UNC13B: variants seen among roughly 807,000 people sequenced by gnomAD.
UNC13B encodes the protein protein unc-13 homolog B.
Under a neutral mutation model 211.0 loss-of-function variants are expected in UNC13B, and 144 were observed. That is an observed-to-expected ratio of 0.68 (90% CI 0.60 to 0.78). The LOEUF is 0.78. UNC13B is among the 30% of genes least tolerant of loss of function. The probability of loss-of-function intolerance (pLI) is 0.00; values close to 1 mark genes in which losing one functional copy is unlikely to be tolerated. For synonymous variants in UNC13B, 709 were observed against 725.8 expected (o/e 0.98, Z 0.37); for missense variants, 1,777 against 2,002.0 (o/e 0.89, Z 2.14).
At chr9:35,326,118 C>T (rs74891674) in intron 11 of UNC13B, among the ~76,000 whole-genome samples, 7,540 of 152,234 alleles carry the variant, frequency 0.05, 612 homozygotes, top group African/African-American at 0.17. Context: ...CATTTTCCCC[C>T]CATCTTTGCC....
chr9:35,381,820 A>T (rs1372735479), intron 20 of UNC13B, 101 bp downstream of exon 20: 4 of 1,429,650 alleles, frequency 2.8e-6, no homozygotes, highest in Non-Finnish European at 3.8e-6. Flanking sequence ...GGTAGCATGC[A>T]GTGATTCCTT....
At chr9:35,203,252 C>T (rs1056997579) in intron 1 of UNC13B, among the ~76,000 whole-genome samples, 52 of 152,250 alleles carry the variant, frequency 3.4e-4, no homozygotes, top group Admixed American at 2.9e-3. Flanking sequence ...TTCCTAGCAT[C>T]GATGGTCTTT....
At chr9:35,330,737 A>G (rs1446124758) in intron 11 of UNC13B, among the ~76,000 whole-genome samples, 1 of 152,156 alleles carries the variant, frequency 6.6e-6, no homozygotes, top group Non-Finnish European at 1.5e-5. Flanking sequence ...TCAATGGTGG[A>G]TCTTCTATAA....
chr9:35,256,559 A>G (rs896432064), intron 6 of UNC13B, among the ~76,000 whole-genome samples: 5 of 152,096 alleles, frequency 3.3e-5, no homozygotes, highest in Non-Finnish European at 7.4e-5. Flanking sequence ...ATGGGGTTTT[A>G]TCACATCTTT....
intron 11 of UNC13B, among the ~76,000 whole-genome samples, chr9:35,354,961 C>T (rs1046711526): frequency 2.6e-5 from 4 of 152,132 alleles, no homozygotes; most frequent in African/African-American, 9.7e-5. Flanking sequence ...ATTTTTGAAG[C>T]ATAGCTTTTA....
Position 35,378,404 on chromosome 9 carries a change from C to A in UNC13B, c.10173C>A (p.Asn3391Lys), listed in dbSNP as rs55720245. 1.2e-6 allele frequency: 2 copies of A among 1,614,090 alleles called. No individual in the cohort carries two copies. The highest frequency in any genetic ancestry group is 3.3e-5 in the Admixed American group (2 of 60,016). The change falls in exon 17 of 40, where the codon AAC (asparagine) becomes AAA (lysine). Residue 3391 changes from asparagine (N) to lysine (K), a missense_variant. Physicochemically the swap from Asn to Lys is moderately conservative, Grantham distance 94. Transcript: ENST00000635942. ...TKKRTKTIFG[N>K]LNPVWEEKFH... ...AGCGTACCAAGACCATTTTTGGAAA[C>A]TTGAATCCTGTTTGGGAGGAGAAGT...
Position 35,386,169 on chromosome 9 carries a change from A to G in UNC13B, c.10970A>G (p.Gln3657Arg). ...ATTTCTTCTTTTAATTGGCAGGTAC[A>G]AGAACTGCAAAGCCCTCCAAGAGCC... Reference protein sequence around the residue: ...TSITFFRMKVQELQSPPRASQ... With the variant: ...TSITFFRMKVRELQSPPRASQ... Residue 3657 changes from glutamine to arginine, a missense_variant, in exon 24 of 40, where the codon CAA becomes CGA. Coordinates refer to ENST00000635942, the MANE Select transcript of UNC13B (RefSeq NM_001371189.2). 3 of 1,614,158 alleles carry G rather than the reference A, an allele frequency of 1.9e-6. No homozygotes were observed. Among genetic ancestry groups the G allele is most frequent in the Non-Finnish European group, 2.5e-6 (3 of 1,179,986 alleles).
chr9:35,181,302 G>A (rs1292169158), intron 1 of UNC13B, among the ~76,000 whole-genome samples: 5 of 151,930 alleles, frequency 3.3e-5, no homozygotes, highest in Admixed American at 6.6e-5. Context: ...AAGTCTCTTA[G>A]AGCAAGTTGT....
chr9:35,342,048 C>G (rs1241331633), intron 11 of UNC13B: 18 of 985,346 alleles, frequency 1.8e-5, no homozygotes, highest in Middle Eastern at 5.2e-4. Flanking sequence ...AGACTCCTGC[C>G]AAGCCCTTCA....
rs1175629006 is a variant in UNC13B, at chr9:35,307,238, T to A, written c.7834T>A (p.Ser2612Thr). The A allele has an allele frequency of 2.5e-6, 1 of 398,774 alleles. No homozygotes were observed. The highest frequency in any genetic ancestry group is 4.4e-6 in the Non-Finnish European group (1 of 226,062). The allele number at this position is 398,774 out of a possible 1,614,324, so 24.7% of individuals were successfully genotyped here. The change falls in exon 9 of 40, where the codon TCT becomes ACT. Residue 2612 changes from serine (S) to threonine (T), a missense_variant. Physicochemically the swap from Ser to Thr is moderately conservative, Grantham distance 58. Coordinates refer to ENST00000635942, the MANE Select transcript of UNC13B (RefSeq NM_001371189.2). ...TCAACGTTCTGAAACAATTAATACATCTTCTTTCTCGGGTGATGATACTGG... is the reference window on the plus strand; with the variant it reads ...TCAACGTTCTGAAACAATTAATACAACTTCTTTCTCGGGTGATGATACTGG... Reference protein sequence around the residue: ...EPQRSETINTSSFSGDDTGQG... With the variant: ...EPQRSETINTTSFSGDDTGQG...
intron 11 of UNC13B, chr9:35,361,877 G>A (rs1421562328): frequency 6.6e-6 from 1 of 152,154 alleles, no homozygotes; most frequent in Non-Finnish European, 1.5e-5. Flanking sequence ...GGTGTGGGAG[G>A]GAGGTGTGAA....
intron 1 of UNC13B, among the ~76,000 whole-genome samples, chr9:35,174,948 C>T (rs1171801435): frequency 6.6e-6 from 1 of 152,104 alleles, no homozygotes; most frequent in Admixed American, 6.5e-5. Context: ...GCTGGGATTA[C>T]AGGCATGAGC....
Position 35,307,620 on chromosome 9 carries a change from G to A in UNC13B, c.8216G>A (p.Ser2739Asn), listed in dbSNP as rs927055044. The change falls in exon 9 of 40, where the codon AGT becomes AAT. Residue 2739 changes from serine (S) to asparagine (N), a missense_variant. Ser to Asn is a conservative substitution (Grantham distance 46). Transcript: ENST00000635942. ...GACCCTGTGCTTGCTGCCAGAGAAAGTTGTGAGATAATTCATGCCCAGAAA... is the reference window on the plus strand; with the variant it reads ...GACCCTGTGCTTGCTGCCAGAGAAAATTGTGAGATAATTCATGCCCAGAAA... ...LEDPVLAARE[S>N]CEIIHAQKDP... The A allele has an allele frequency of 5.0e-6, 2 of 399,020 alleles. No homozygotes were observed. Among genetic ancestry groups the A allele is most frequent in the Admixed American group, 4.4e-5 (1 of 22,714 alleles). The allele number at this position is 399,020 out of a possible 1,614,324, so 24.7% of individuals were successfully genotyped here.
intron 12 of UNC13B, among the ~76,000 whole-genome samples, chr9:35,367,325 A>G (rs1442675228): frequency 6.6e-6 from 1 of 152,184 alleles, no homozygotes; most frequent in Non-Finnish European, 1.5e-5. Flanking sequence ...TTAGAAAAAT[A>G]TCTGCATTTG....
At chr9:35,239,686 A>G (rs1474010148) in intron 5 of UNC13B, among the ~76,000 whole-genome samples, 1 of 152,140 alleles carries the variant, frequency 6.6e-6, no homozygotes, top group Non-Finnish European at 1.5e-5. Context: ...ACAACCGTAA[A>G]AGACAGACGT....
At chr9:35,289,307 G>C (rs1347524044) in intron 7 of UNC13B, among the ~76,000 whole-genome samples, 2 of 152,160 alleles carry the variant, frequency 1.3e-5, no homozygotes, top group African/African-American at 4.8e-5. Flanking sequence ...ACTTTCAAGG[G>C]AGTCACACAC....
intron 8 of UNC13B, among the ~76,000 whole-genome samples, chr9:35,297,091 T>G (rs1221405747): frequency 2.8e-5 from 2 of 72,604 alleles, no homozygotes; most frequent in African/African-American, 8.5e-5. Context: ...TTTAAGAAGC[T>G]TTTTTTTTTT....
chr9:35,175,538 G>A (rs1821576551), intron 1 of UNC13B, among the ~76,000 whole-genome samples: 1 of 152,058 alleles, frequency 6.6e-6, no homozygotes, highest in South Asian at 2.1e-4. Flanking sequence ...AGGTGAAGGA[G>A]ACTTGTTGAG....
intron 7 of UNC13B, among the ~76,000 whole-genome samples, chr9:35,289,307 G>A (rs1347524044): frequency 6.6e-6 from 1 of 152,160 alleles, no homozygotes; most frequent in African/African-American, 2.4e-5. Flanking sequence ...ACTTTCAAGG[G>A]AGTCACACAC....
Sources: allele counts gnomAD v4.1 joint callset (sites outside exome capture counted in the v4.1 genomes callset), GRCh38; gene constraint gnomAD v4.1.1; transcripts MANE v1.5; gene names NCBI Gene and HGNC (gene_info 2026-07-23, HGNC 2026-07-21).